The following RTN1 variants were observed in gnomAD, a reference collection of about 807,000 sequenced individuals.
The protein encoded by RTN1 is reticulon 1.
In RTN1, 25 loss-of-function variants were observed where a neutral mutation model predicts 65.5. The observed-to-expected ratio is 0.38, with a 90% confidence interval of 0.28 to 0.53. The LOEUF (loss-of-function observed/expected upper bound fraction) is 0.53, where lower values mean the gene tolerates loss of function less well. RTN1 is among the 20% of genes least tolerant of loss of function. RTN1 has a pLI of 0.79. For missense variants in RTN1, 983 were observed against 1,025.4 expected (o/e 0.96, Z 0.57); for synonymous variants, 471 against 447.6 (o/e 1.05, Z -0.66).
chr14:59,778,923 G>C (rs1360082041), intron 1 of RTN1, among the ~76,000 whole-genome samples: 1 of 152,128 alleles, frequency 6.6e-6, no homozygotes, highest in African/African-American at 2.4e-5. Context: ...AAGAACTTCG[G>C]ATATCATGCT....
Position 59,816,870 on chromosome 14 carries a change from T to A in RTN1, c.241+53520A>T, listed in dbSNP as rs1213291445. Reference sequence around the variant, plus strand: ...ATCACCTGAGCCTGAGAGGCGGAGGTTGCAGTGAGTCGAGATCGCGCCACT... The same window carrying A: ...ATCACCTGAGCCTGAGAGGCGGAGGATGCAGTGAGTCGAGATCGCGCCACT... On this transcript the variant is annotated intron_variant, in intron 1 of 8. Transcript: ENST00000267484. This position sits in a 1 kb window ranked among gnomAD's most constrained non-coding sequence, Gnocchi z 4.3. 1.3e-5 allele frequency among the ~76,000 whole-genome samples: 2 copies of A among 151,922 alleles called. No homozygotes were observed. The highest frequency in any genetic ancestry group is 2.4e-5 in the African/African-American group (1 of 41,360).
chr14:59,761,670 T>C (rs1197209578), intron 1 of RTN1, among the ~76,000 whole-genome samples: 1 of 152,144 alleles, frequency 6.6e-6, no homozygotes, highest in Non-Finnish European at 1.5e-5. Flanking sequence ...AAAGCCAGAG[T>C]TGGAATTTCT....
At chr14:59,678,520 G>A (rs1883676836) in intron 3 of RTN1, among the ~76,000 whole-genome samples, 1 of 152,206 alleles carries the variant, frequency 6.6e-6, no homozygotes, top group African/African-American at 2.4e-5. Flanking sequence ...CAGCATCCCT[G>A]TTTCTCTACC....
At chr14:59,714,621 T>G (rs573602436) in intron 3 of RTN1, among the ~76,000 whole-genome samples, 1 of 152,280 alleles carries the variant, frequency 6.6e-6, no homozygotes, top group Non-Finnish European at 1.5e-5. Context: ...TGGTAAGAAT[T>G]AGACTCAGAG....
At chr14:59,672,693 T>C (rs113730196) in intron 3 of RTN1, among the ~76,000 whole-genome samples, 5 of 132,010 alleles carry the variant, frequency 3.8e-5, no homozygotes, top group East Asian at 2.5e-4. Context: ...GACTGCGGAC[T>C]GCAGTGGCGC....
chr14:59,708,701 G>A (rs917463935), intron 3 of RTN1, among the ~76,000 whole-genome samples: 5 of 152,272 alleles, frequency 3.3e-5, no homozygotes, highest in African/African-American at 4.8e-5. Context: ...AAGGAGCCAC[G>A]GAATGCTTAT....
intron 3 of RTN1, among the ~76,000 whole-genome samples, chr14:59,699,102 G>A (rs944745663): frequency 6.6e-6 from 1 of 152,008 alleles, no homozygotes; most frequent in Non-Finnish European, 1.5e-5. Context: ...CATAATTTTG[G>A]TGGCTGAAAC....
chr14:59,702,245 C>T (rs1429347525), intron 3 of RTN1, among the ~76,000 whole-genome samples: 1 of 152,176 alleles, frequency 6.6e-6, no homozygotes, highest in Non-Finnish European at 1.5e-5. Flanking sequence ...AAAGTCTGTG[C>T]AAGCAGGACT....
chr14:59,855,313 T>G (rs948549937), intron 1 of RTN1, among the ~76,000 whole-genome samples: 1 of 152,228 alleles, frequency 6.6e-6, no homozygotes, highest in Admixed American at 6.5e-5. Flanking sequence ...TCTTCTTTCC[T>G]CTTCACTCTG....
At chr14:59,715,337 G>A (rs1884511493) in intron 3 of RTN1, among the ~76,000 whole-genome samples, 1 of 152,136 alleles carries the variant, frequency 6.6e-6, no homozygotes, top group Admixed American at 6.6e-5. Flanking sequence ...GTCCCTTTAT[G>A]TTTTTAGCCA....
chr14:59,775,611 T>G (rs1198975621), intron 1 of RTN1, among the ~76,000 whole-genome samples: 1 of 152,114 alleles, frequency 6.6e-6, no homozygotes, highest in African/African-American at 2.4e-5. Context: ...TTATTCCCAT[T>G]TAACAGATGA....
At chr14:59,843,401 T>C (rs1887349298) in intron 1 of RTN1, among the ~76,000 whole-genome samples, 1 of 152,232 alleles carries the variant, frequency 6.6e-6, no homozygotes, top group African/African-American at 2.4e-5. Context: ...TTACAAGGTG[T>C]ACATCCACCA....
intron 3 of RTN1, 139 bp downstream of exon 3, chr14:59,726,780 C>T: frequency 1.4e-6 from 1 of 736,302 alleles, no homozygotes; most frequent in South Asian, 1.9e-5. Context: ...TCCTCCCATC[C>T]CCCCTGGAAC....
intron 2 of RTN1, among the ~76,000 whole-genome samples, chr14:59,731,707 A>T (rs1884900344): frequency 6.6e-6 from 1 of 152,004 alleles, no homozygotes; most frequent in Non-Finnish European, 1.5e-5. Flanking sequence ...TTGAGTTCTC[A>T]TCTTATTTGT....
intron 3 of RTN1, among the ~76,000 whole-genome samples, chr14:59,609,022 T>G (rs1881856928): frequency 1.3e-5 from 2 of 152,084 alleles, no homozygotes; most frequent in Admixed American, 1.3e-4. Context: ...TGGTGGCTCA[T>G]GCCTGTAATC....
intron 1 of RTN1, among the ~76,000 whole-genome samples, chr14:59,813,341 T>C (rs1013929082): frequency 2.0e-5 from 3 of 152,192 alleles, no homozygotes; most frequent in Non-Finnish European, 2.9e-5. Flanking sequence ...AATTGTTAAA[T>C]GTATTAAAAG....
chr14:59,660,367 A>C (rs1247794819), intron 3 of RTN1, among the ~76,000 whole-genome samples: 5 of 152,216 alleles, frequency 3.3e-5, no homozygotes, highest in Non-Finnish European at 7.3e-5. Flanking sequence ...CAGGACTTGA[A>C]CTTAGTTCTG....
intron 3 of RTN1, among the ~76,000 whole-genome samples, chr14:59,620,154 G>A (rs1882216474): frequency 6.6e-6 from 1 of 152,110 alleles, no homozygotes; most frequent in Admixed American, 6.6e-5. Context: ...AGGGAGAAAA[G>A]AGATAGGTAA....
intron 1 of RTN1, among the ~76,000 whole-genome samples, chr14:59,750,180 A>G (rs1364774540): frequency 4.6e-5 from 3 of 65,604 alleles, no homozygotes; most frequent in Admixed American, 2.6e-4. Context: ...TCTATAATAT[A>G]TAATACATAT....
Sources: gnomAD v4.1 joint callset for allele counts (sites outside exome capture counted in the v4.1 genomes callset) on GRCh38, gnomAD v4.1.1 for gene constraint, Gnocchi (gnomAD v3.1) non-coding constraint, MANE v1.5 for transcripts, NCBI Gene and HGNC (gene_info 2026-07-23, HGNC 2026-07-21) for gene names.